APCDD1L: variants seen among roughly 807,000 people sequenced by gnomAD.
The protein encoded by APCDD1L is protein APCDD1-like.
Under a neutral mutation model 24.2 loss-of-function variants are expected in APCDD1L, and 21 were observed. The ratio of observed to expected loss-of-function variants is 0.87; its 90% CI spans 0.61 to 1.25. The LOEUF (loss-of-function observed/expected upper bound fraction) is 1.25, where lower values mean the gene tolerates loss of function less well. APCDD1L is among the 50% of genes most tolerant of loss of function. The pLI is 0.00. For missense variants in APCDD1L, 704 were observed against 711.7 expected (o/e 0.99, Z 0.12); for synonymous variants, 321 against 323.6 (o/e 0.99, Z 0.09).
intron 1 of APCDD1L, among the ~76,000 whole-genome samples, chr20:58,488,760 T>C (rs891450044): frequency 3.9e-5 from 6 of 152,134 alleles, no homozygotes; most frequent in African/African-American, 1.2e-4. Flanking sequence ...TATGAGCATA[T>C]TGTTAAAAGA....
chr20:58,463,016 C>T (rs1989640484), intron 3 of APCDD1L, among the ~76,000 whole-genome samples: 1 of 151,648 alleles, frequency 6.6e-6, no homozygotes, highest in Admixed American at 6.6e-5. Context: ...GTGGTATATG[C>T]CTGTGATACT....
At chr20:58,465,534 T>G (rs1054197557) in intron 3 of APCDD1L, among the ~76,000 whole-genome samples, 1 of 152,212 alleles carries the variant, frequency 6.6e-6, no homozygotes, top group East Asian at 1.9e-4. Context: ...GAGGACTTCA[T>G]GGGGATGCTG....
intron 1 of APCDD1L, among the ~76,000 whole-genome samples, chr20:58,506,927 C>T (rs1463099288): frequency 6.6e-6 from 1 of 152,132 alleles, no homozygotes; most frequent in African/African-American, 2.4e-5. Flanking sequence ...GCAGTTGAGG[C>T]AAGAAGCTTG....
chr20:58,481,699 G>C (rs6064658), intron 1 of APCDD1L, among the ~76,000 whole-genome samples: 3,344 of 152,252 alleles, frequency 0.022, 53 homozygotes, highest in Non-Finnish European at 0.035. Flanking sequence ...TGGTTGGGGC[G>C]ATTGGGAGCC....
At chr20:58,476,377 G>T (rs1419850794) in intron 1 of APCDD1L, among the ~76,000 whole-genome samples, 1 of 152,178 alleles carries the variant, frequency 6.6e-6, no homozygotes, top group Non-Finnish European at 1.5e-5. Context: ...TTTTAGTAGA[G>T]ACAGGGTTTC....
In APCDD1L at chr20:58,461,934, C is replaced by G. The variant is rs1989618201; in HGVS notation, c.742-380G>C. 4.9e-6 allele frequency: 1 copy of G among 205,650 alleles called. No individual in the cohort carries two copies. Among genetic ancestry groups the G allele is most frequent in the Admixed American group, 5.9e-5 (1 of 16,886 alleles). The allele number at this position is 205,650 out of a possible 1,614,324, so 12.7% of individuals were successfully genotyped here. On this transcript the variant is annotated intron_variant, in intron 3 of 3. Transcript: ENST00000371149. This position sits in a 1 kb window ranked among gnomAD's most constrained non-coding sequence, Gnocchi z 6.0. ...CTCTTTTATCTTCCTCATTCCACCC[C>G]CTGAGACTCTCCTCTCTCTACCCCT...
rs142210493 is a variant in APCDD1L at position 58,484,725 on chromosome 20, G to A, written c.50-13978C>T. Reference sequence around the variant, plus strand: ...GGAGATGTAATAACTCAGGGAGGCCGGTGCCCTAATCAAGAAGAGTCCAAT... The same window carrying A: ...GGAGATGTAATAACTCAGGGAGGCCAGTGCCCTAATCAAGAAGAGTCCAAT... On this transcript the variant is annotated intron_variant, in intron 1 of 3. Transcript: ENST00000371149. Among the ~76,000 whole-genome samples, 796 of 152,178 alleles carry A rather than the reference G, an allele frequency of 5.2e-3. 9 individuals are homozygous for A. The highest frequency in any genetic ancestry group is 0.017 in the African/African-American group (694 of 41,510).
chr20:58,459,161 T>A lies in APCDD1L; in HGVS notation c.*1629A>T, dbSNP rs1989548217. 1 of 152,248 alleles carries A rather than the reference T, an allele frequency of 6.6e-6. No homozygotes were observed. Among genetic ancestry groups the A allele is most frequent in the Non-Finnish European group, 1.5e-5 (1 of 68,040 alleles). The allele number at this position is 152,248 out of a possible 1,614,324, so 9.4% of individuals were successfully genotyped here. The stretch of plus-strand genomic sequence containing the variant: ...ATTTGATGATAAATGGTGGCATGGT[T>A]ACTTCAAGCTTCGGATACAAGACCT... On this transcript the variant is annotated 3_prime_UTR_variant, in exon 4 of 4. Transcript: ENST00000371149.
intron 1 of APCDD1L, among the ~76,000 whole-genome samples, chr20:58,510,788 T>A (rs937257757): frequency 6.6e-6 from 1 of 152,198 alleles, no homozygotes. Flanking sequence ...TGGACCTGCA[T>A]GGTGTCAGGG....
At chr20:58,475,704 T>G (rs778163777) in intron 1 of APCDD1L, among the ~76,000 whole-genome samples, 2 of 152,020 alleles carry the variant, frequency 1.3e-5, no homozygotes, top group Non-Finnish European at 2.9e-5. Context: ...GCTGAGTGGC[T>G]GAAGCAACAG....
chr20:58,479,859 G>C (rs1222391490), intron 1 of APCDD1L, among the ~76,000 whole-genome samples: 1 of 152,188 alleles, frequency 6.6e-6, no homozygotes, highest in African/African-American at 2.4e-5. Flanking sequence ...TGTGGAAATG[G>C]AGCCATTCCA....
At chr20:58,498,299 C>A (rs898175995) in intron 1 of APCDD1L, among the ~76,000 whole-genome samples, 1 of 152,156 alleles carries the variant, frequency 6.6e-6, no homozygotes, top group Non-Finnish European at 1.5e-5. Context: ...GGAAGGGCAG[C>A]ATTCTAATCC....
chr20:58,474,038 GGAA>G (rs1989862473), intron 1 of APCDD1L, among the ~76,000 whole-genome samples: 1 of 152,154 alleles, frequency 6.6e-6, no homozygotes, highest in Non-Finnish European at 1.5e-5. Flanking sequence ...GGCCTTCCGG[GGAA>G]AGGACACTCA....
intron 1 of APCDD1L, among the ~76,000 whole-genome samples, chr20:58,502,445 A>T (rs1990453730): frequency 1.3e-5 from 2 of 152,082 alleles, no homozygotes; most frequent in African/African-American, 4.8e-5. Flanking sequence ...CCTCTGCCCC[A>T]TACCACCAAC....
chr20:58,512,669 G>A (rs1314552631), intron 1 of APCDD1L, among the ~76,000 whole-genome samples: 1 of 152,156 alleles, frequency 6.6e-6, no homozygotes, highest in Non-Finnish European at 1.5e-5. Context: ...CCCAGCTCAG[G>A]CACCTAAATT....
chr20:58,465,960 CAG>C (rs763802712), intron 3 of APCDD1L, among the ~76,000 whole-genome samples: 1 of 151,780 alleles, frequency 6.6e-6, no homozygotes, highest in East Asian at 1.9e-4. Flanking sequence ...TTTTTAAAAA[CAG>C]ATTTTCTGAG....
At chr20:58,475,823 C>G (rs1989899007) in intron 1 of APCDD1L, among the ~76,000 whole-genome samples, 1 of 152,146 alleles carries the variant, frequency 6.6e-6, no homozygotes. Flanking sequence ...TGGCTTGGGG[C>G]TGCATCACGC....
In APCDD1L at chr20:58,461,191, C is replaced by A. The variant is rs201479083; in HGVS notation, c.1105G>T (p.Ala369Ser). ...CTTGGCTCAGAGAAGTTGAGCATGG[C>A]CGTGGTGACCTGGTCCATGGGGGTC... ...HVTPMDQVTT[A>S]MLNFSEPSSC... The change falls in exon 4 of 4, where the codon GCC becomes TCC. Residue 369 changes from alanine to serine, a missense_variant. Physicochemically the swap from Ala to Ser is moderately conservative, Grantham distance 99 (BLOSUM62 1). Transcript: ENST00000371149. This position sits in a 1 kb window ranked among gnomAD's most constrained non-coding sequence, Gnocchi z 6.0. 1 of 1,613,458 alleles carries A rather than the reference C, an allele frequency of 6.2e-7. No individual in the cohort carries two copies. The highest frequency in any genetic ancestry group is 2.2e-5 in the East Asian group (1 of 44,856).
intron 1 of APCDD1L, among the ~76,000 whole-genome samples, chr20:58,504,043 C>T (rs760295735): frequency 1.3e-5 from 2 of 152,176 alleles, no homozygotes; most frequent in Non-Finnish European, 2.9e-5. Context: ...TCCTCTAGGA[C>T]TGGAGTCAAT....
Sources: gnomAD v4.1 joint callset for allele counts (sites outside exome capture counted in the v4.1 genomes callset) on GRCh38, gnomAD v4.1.1 for gene constraint, Gnocchi (gnomAD v3.1) non-coding constraint, MANE v1.5 for transcripts, NCBI Gene and HGNC (gene_info 2026-07-23, HGNC 2026-07-21) for gene names.